Variants in NRIP1 observed in about 807,000 individuals in gnomAD.
NRIP1 encodes the protein nuclear receptor-interacting protein 1.
NRIP1 carries 28 observed loss-of-function variants against 75.0 expected under a neutral mutation model. The ratio of observed to expected loss-of-function variants is 0.37; its 90% CI spans 0.28 to 0.51. The LOEUF (loss-of-function observed/expected upper bound fraction) is 0.51, where lower values mean the gene tolerates loss of function less well. NRIP1 is among the 20% of genes least tolerant of loss of function. The pLI, the probability that NRIP1 is intolerant of heterozygous loss-of-function variation, is 0.92. For synonymous variants in NRIP1, 526 were observed against 487.6 expected, an observed-to-expected ratio of 1.08 and a Z score of -1.04; for missense variants, 1,435 against 1,343.7, an observed-to-expected ratio of 1.07 and a Z score of -1.06.
rs2089269297 is a variant in NRIP1 at position 15,054,616 on chromosome 21, G to A, written c.-538+10129C>T. Among the ~76,000 whole-genome samples the A allele has an allele frequency of 2.6e-5, 4 of 152,116 alleles. No individual in the cohort carries two copies. The South Asian group carries it at 6.2e-4, about 24-fold the overall frequency. On this transcript the variant is annotated intron_variant, in intron 1 of 3. Coordinates refer to ENST00000318948, the MANE Select transcript of NRIP1 (RefSeq NM_003489.4). ...AATTTAAACAGACTAAAGAAAAAAC[G>A]TGGAAGAGCTTCCATTATTCATAAG...
intron 3 of NRIP1, chr21:15,002,173 G>A (rs2087863124): frequency 6.6e-6 from 1 of 152,042 alleles, no homozygotes; most frequent in Non-Finnish European, 1.5e-5. Flanking sequence ...ACAGATTACG[G>A]CCCTACCTTT....
chr21:14,975,446 A>C (rs751960456), intron 3 of NRIP1, among the ~76,000 whole-genome samples: 19 of 151,886 alleles, frequency 1.3e-4, no homozygotes, highest in Non-Finnish European at 2.2e-4. Context: ...ATGTAGTATA[A>C]TGGGCTCTAA....
In NRIP1 at chr21:15,031,312, T is replaced by C. The variant is rs559382821; in HGVS notation, c.-458+12183A>G. Reference sequence around the variant, plus strand: ...GCGGTTGGAGGTTCACCACATTCCCTTTCTATGTGTATACACTCTGGAAGG... The same window carrying C: ...GCGGTTGGAGGTTCACCACATTCCCCTTCTATGTGTATACACTCTGGAAGG... On this transcript the variant is annotated intron_variant, in intron 2 of 3. Coordinates refer to ENST00000318948, the MANE Select transcript of NRIP1 (RefSeq NM_003489.4). Among the ~76,000 whole-genome samples the C allele has an allele frequency of 4.8e-5, 7 of 145,288 alleles. No homozygotes were observed. In the South Asian group the frequency reaches 6.9e-4, roughly 14 times the overall value.
rs2086766184 is a variant in NRIP1, at chr21:14,966,929, G to T, written c.1264C>A (p.Pro422Thr). 1.2e-6 allele frequency: 2 copies of T among 1,613,958 alleles called. No homozygotes were observed. The highest frequency in any genetic ancestry group is 3.3e-5 in the Admixed American group (2 of 59,974). ...CCACTGCTGTCATCTGTAAAACTAG[G>T]ATTGTTATCTGAATATTCATCAATA... Reference protein sequence around the residue: ...TTIDEYSDNNPSFTDDSSGDE... With the variant: ...TTIDEYSDNNTSFTDDSSGDE... The change falls in exon 4 of 4, where the codon CCT becomes ACT. Residue 422 changes from proline to threonine, a missense_variant. Transcript: ENST00000318948.
At chr21:15,031,293 G>A (rs1311288988) in intron 2 of NRIP1, among the ~76,000 whole-genome samples, 2 of 143,154 alleles carry the variant, frequency 1.4e-5, no homozygotes, top group East Asian at 2.5e-4. Flanking sequence ...GAAGGCGGTT[G>A]GAGGTTCACC....
At chr21:15,035,430 T>C (rs2088809355) in intron 2 of NRIP1, among the ~76,000 whole-genome samples, 1 of 152,106 alleles carries the variant, frequency 6.6e-6, no homozygotes, top group Non-Finnish European at 1.5e-5. Context: ...GCTATAAAAA[T>C]AAAGTCTGTA....
intron 3 of NRIP1, among the ~76,000 whole-genome samples, chr21:15,012,301 C>T (rs1270255888): frequency 1.3e-5 from 2 of 151,904 alleles, no homozygotes; most frequent in Admixed American, 6.6e-5. Flanking sequence ...TAACACAACA[C>T]GTTTTAGAAA....
chr21:15,033,114 A>G (rs1271296523), intron 2 of NRIP1, among the ~76,000 whole-genome samples: 1 of 151,022 alleles, frequency 6.6e-6, no homozygotes, highest in East Asian at 2.0e-4. Context: ...AGTCCCAGCT[A>G]CTCTGGAGGC....
intron 3 of NRIP1, among the ~76,000 whole-genome samples, chr21:15,004,532 T>A (rs1401288403): frequency 1.3e-5 from 2 of 152,204 alleles, no homozygotes; most frequent in African/African-American, 4.8e-5. Flanking sequence ...CCAACTAATT[T>A]ATTTGGTAGT....
chr21:15,052,107 T>C (rs2089214134), intron 1 of NRIP1: 1 of 152,196 alleles, frequency 6.6e-6, no homozygotes, highest in Non-Finnish European at 1.5e-5. Flanking sequence ...TTCACCCTGA[T>C]ACTCAATACA....
chr21:15,050,825 A>G (rs1298550230), intron 1 of NRIP1: 2 of 456,096 alleles, frequency 4.4e-6, no homozygotes, highest in Admixed American at 4.7e-5. Flanking sequence ...AACAATCCAC[A>G]GCGATACCTC....
At chr21:14,978,018 C>A (rs1190936418) in intron 3 of NRIP1, among the ~76,000 whole-genome samples, 1 of 152,208 alleles carries the variant, frequency 6.6e-6, no homozygotes, top group Non-Finnish European at 1.5e-5. Flanking sequence ...CTCTCCACTG[C>A]AACCTGAAGG....
rs150985922 is a variant in NRIP1, at chr21:15,055,086, G to A, written c.-538+9659C>T. Among the ~76,000 whole-genome samples the A allele has an allele frequency of 1.3e-3, 196 of 152,260 alleles. 1 individual carries two copies. The highest frequency in any genetic ancestry group is 4.5e-3 in the African/African-American group (189 of 41,550). On this transcript the variant is annotated intron_variant, in intron 1 of 3. Transcript: ENST00000318948. Reference sequence around the variant, plus strand: ...CTCTTTTCTAGGGGTGTAGACCAACGTGCACTTGGTTCATGGCACATTATC... The same window carrying A: ...CTCTTTTCTAGGGGTGTAGACCAACATGCACTTGGTTCATGGCACATTATC...
Position 14,967,214 on chromosome 21 carries a change from C to T in NRIP1, c.979G>A (p.Gly327Ser), listed in dbSNP as rs773162687. ...TTGCTTGATGATGTTCTTGCCTGAC[C>T]ATTAAGATGGCTTGACATTCCTTTT... ...LPKGMSSHLN[G>S]QARTSSSKLM... Residue 327 changes from glycine to serine, a missense_variant, in exon 4 of 4, where the codon GGT becomes AGT. By Grantham distance (56) the Gly-to-Ser change is moderately conservative (BLOSUM62 0). Transcript: ENST00000318948. The T allele has an allele frequency of 6.2e-7, 1 of 1,614,000 alleles. No individual in the cohort carries two copies. Among genetic ancestry groups the T allele is most frequent in the South Asian group, 1.1e-5 (1 of 91,072 alleles).
intron 1 of NRIP1, among the ~76,000 whole-genome samples, chr21:15,063,074 T>C (rs1354460998): frequency 1.3e-5 from 2 of 152,216 alleles, no homozygotes; most frequent in Admixed American, 1.3e-4. Context: ...TAGGGCACTT[T>C]TAAAGGTAAG....
intron 2 of NRIP1, among the ~76,000 whole-genome samples, chr21:15,025,885 T>G (rs1043361309): frequency 6.6e-6 from 1 of 152,188 alleles, no homozygotes; most frequent in Non-Finnish European, 1.5e-5. Flanking sequence ...TGTTCCAGAC[T>G]GTGGGAGACC....
rs1192357667 is a variant in NRIP1 at position 14,961,924 on chromosome 21, A to G, written c.*2792T>C. On this transcript the variant is annotated 3_prime_UTR_variant, in exon 4 of 4. Transcript: ENST00000318948. The stretch of plus-strand genomic sequence containing the variant: ...TGCATTAGAACAATACAAAATATGT[A>G]TTTTTCATTAAGGAAATCACTATTT... The G allele has an allele frequency of 6.6e-6, 1 of 151,182 alleles. No individual in the cohort carries two copies. The highest frequency in any genetic ancestry group is 1.5e-5 in the Non-Finnish European group (1 of 67,608). 9.4% of individuals were successfully genotyped at this position (151,182 alleles called of 1,614,324 possible).
chr21:14,976,843 T>C (rs1287162418), intron 3 of NRIP1, among the ~76,000 whole-genome samples: 2 of 152,162 alleles, frequency 1.3e-5, no homozygotes, highest in Admixed American at 6.5e-5. Context: ...AAATACTCCA[T>C]TAAAAACACA....
intron 3 of NRIP1, among the ~76,000 whole-genome samples, chr21:14,982,482 A>G (rs996455240): frequency 1.3e-5 from 2 of 152,154 alleles, no homozygotes; most frequent in Non-Finnish European, 2.9e-5. Context: ...CAGTCAAGCT[A>G]AACAACTAGG....
Sources: gnomAD v4.1 joint callset for allele counts (sites outside exome capture counted in the v4.1 genomes callset) on GRCh38, gnomAD v4.1.1 for gene constraint, MANE v1.5 for transcripts, NCBI Gene and HGNC (gene_info 2026-07-23, HGNC 2026-07-21) for gene names.